PI4KA: variants seen among roughly 807,000 people sequenced by gnomAD.
PI4KA encodes PI4-kinase alpha.
A neutral mutation model predicts 271.4 loss-of-function variants in PI4KA; 122 were observed. That is an observed-to-expected ratio of 0.45 (90% CI 0.39 to 0.52). PI4KA has a LOEUF of 0.52. Ranked by LOEUF, PI4KA falls within the 20% of genes least tolerant of loss-of-function variation. The probability of loss-of-function intolerance (pLI) is 0.00; values close to 1 mark genes in which losing one functional copy is unlikely to be tolerated. For missense variants in PI4KA, 1,969 were observed against 2,769.1 expected (o/e 0.71, Z 6.48); for synonymous variants, 1,041 against 1,078.8 (o/e 0.96, Z 0.69).
chr22:20,855,404 GGAT>G (rs1289709898), intron 1 of PI4KA, among the ~76,000 whole-genome samples: 3 of 152,160 alleles, frequency 2.0e-5, no homozygotes, highest in African/African-American at 7.2e-5. Context: ...TCTTAGATAA[GGAT>G]GAGAGGAATT....
At chr22:20,809,813 C>T (rs112250357) in intron 9 of PI4KA, among the ~76,000 whole-genome samples, 372 of 152,284 alleles carry the variant, frequency 2.4e-3, no homozygotes, top group African/African-American at 8.2e-3. Context: ...AACTCTGTTA[C>T]TTAACCAAGA....
chr22:20,791,766 T>C (rs1309556089), intron 19 of PI4KA, among the ~76,000 whole-genome samples: 3 of 151,476 alleles, frequency 2.0e-5, no homozygotes, highest in Non-Finnish European at 4.4e-5. Flanking sequence ...TCAAAAACAA[T>C]AAAAATAAAA....
intron 22 of PI4KA, among the ~76,000 whole-genome samples, chr22:20,763,020 G>GT (rs71186686): frequency 1.6e-4 from 12 of 77,042 alleles, no homozygotes; most frequent in Admixed American, 7.3e-4. Context: ...TTTTTTTTGG[G>GT]GGGGGGGGGG....
At chr22:20,794,304 G>A (rs562298904) in intron 18 of PI4KA, among the ~76,000 whole-genome samples, 3 of 152,248 alleles carry the variant, frequency 2.0e-5, no homozygotes, top group Non-Finnish European at 4.4e-5. Flanking sequence ...ATTTCCAGGG[G>A]AGAGCAGGCT....
At chr22:20,708,312 C>T (rs944354633) in intron 54 of PI4KA, among the ~76,000 whole-genome samples, 18 of 152,120 alleles carry the variant, frequency 1.2e-4, no homozygotes, top group Non-Finnish European at 1.6e-4. Context: ...TCAGCCAAAC[C>T]GCTTCCATCC....
chr22:20,858,500 GT>G (rs1927940861), intron 1 of PI4KA, 69 bp downstream of exon 1: 4 of 1,141,816 alleles, frequency 3.5e-6, no homozygotes, highest in Non-Finnish European at 4.5e-6. Flanking sequence ...ACAGACCCTC[GT>G]CCCGCCTCCA....
chr22:20,778,767 G>A (rs930459418), intron 19 of PI4KA, among the ~76,000 whole-genome samples: 1 of 152,152 alleles, frequency 6.6e-6, no homozygotes, highest in African/African-American at 2.4e-5. Context: ...CCAGCTCTTA[G>A]TGAGGTTTCC....
chr22:20,780,536 G>C (rs978405889), intron 19 of PI4KA, among the ~76,000 whole-genome samples: 1 of 152,146 alleles, frequency 6.6e-6, no homozygotes, highest in African/African-American at 2.4e-5. Context: ...GGGAGGCCGA[G>C]GCAGGCAGAT....
intron 40 of PI4KA, 77 bp from the exon 41 acceptor site, chr22:20,727,474 A>C: frequency 7.5e-7 from 1 of 1,332,304 alleles, no homozygotes. Context: ...CGGGCCACAC[A>C]AGGACGGCCA....
In PI4KA at chr22:20,818,467, GA is replaced by G; in HGVS notation, c.856+15del. The G allele has an allele frequency of 1.3e-6, 2 of 1,569,894 alleles. No homozygotes were observed. Among genetic ancestry groups the G allele is most frequent in the South Asian group, 1.2e-5 (1 of 84,160 alleles). On this transcript the variant is annotated intron_variant, in intron 7 of 54. Coordinates refer to ENST00000255882, the MANE Select transcript of PI4KA (RefSeq NM_058004.4). Reference sequence around the variant, plus strand: ...AAGTATTACGTCAAAATATTCTTCGGAAAGGTGAAGCCCACCTTCAAAGTAG... The same window carrying G: ...AAGTATTACGTCAAAATATTCTTCGGAAGGTGAAGCCCACCTTCAAAGTAG...
chr22:20,847,351 C>T (rs1776449768), intron 1 of PI4KA, among the ~76,000 whole-genome samples: 2 of 152,034 alleles, frequency 1.3e-5, no homozygotes, highest in South Asian at 4.2e-4. Context: ...CTTTGGGAGG[C>T]CAAGGCAGGA....
intron 1 of PI4KA, among the ~76,000 whole-genome samples, chr22:20,856,271 C>G (rs891794174): frequency 1.3e-5 from 2 of 152,002 alleles, no homozygotes; most frequent in African/African-American, 4.8e-5. Context: ...GAGATCTCAC[C>G]ACTGCACTCC....
At chr22:20,743,430 G>A (rs924677128) in intron 30 of PI4KA, among the ~76,000 whole-genome samples, 3 of 150,720 alleles carry the variant, frequency 2.0e-5, no homozygotes, top group Non-Finnish European at 3.0e-5. Context: ...AGGCGTGAGC[G>A]GCCACACCCA....
At chr22:20,756,133 G>A (rs1262091351) in intron 23 of PI4KA, among the ~76,000 whole-genome samples, 1 of 152,098 alleles carries the variant, frequency 6.6e-6, no homozygotes, top group Non-Finnish European at 1.5e-5. Flanking sequence ...CAAGGGTAGT[G>A]AGAGGCTGCT....
At chr22:20,750,888 C>T (rs1360523379) in intron 27 of PI4KA, among the ~76,000 whole-genome samples, 1 of 152,224 alleles carries the variant, frequency 6.6e-6, no homozygotes, top group Non-Finnish European at 1.5e-5. Flanking sequence ...TAGCACAAGT[C>T]AAAGGCATGA....
At chr22:20,858,309 T>C (rs1927880386) in intron 1 of PI4KA, among the ~76,000 whole-genome samples, 2 of 151,060 alleles carry the variant, frequency 1.3e-5, no homozygotes, top group Admixed American at 6.6e-5. Context: ...GCAGCTCACA[T>C]CCCCCACCCC....
chr22:20,710,379 G>A (rs1925096146), intron 52 of PI4KA: 1 of 536,654 alleles, frequency 1.9e-6, no homozygotes, highest in African/African-American at 1.9e-5. Flanking sequence ...CTGGGACAAA[G>A]CCCATCTTTG....
At chr22:20,756,576 A>G (rs945809956) in intron 23 of PI4KA, among the ~76,000 whole-genome samples, 9 of 152,032 alleles carry the variant, frequency 5.9e-5, no homozygotes, top group Non-Finnish European at 1.2e-4. Flanking sequence ...AATTCCTGAT[A>G]ATCAGATAGA....
chr22:20,827,968 T>C (rs1240902285), intron 3 of PI4KA, among the ~76,000 whole-genome samples: 1 of 152,096 alleles, frequency 6.6e-6, no homozygotes, highest in South Asian at 2.1e-4. Context: ...CTAATTTTTG[T>C]GTTTTTAGCA....
Sources: gnomAD v4.1 joint callset for allele counts (sites outside exome capture counted in the v4.1 genomes callset) on GRCh38, gnomAD v4.1.1 for gene constraint, MANE v1.5 for transcripts, NCBI Gene and HGNC (gene_info 2026-07-23, HGNC 2026-07-21) for gene names.